Variants in IRAG2 observed in about 807,000 individuals in gnomAD.
The protein encoded by IRAG2 is lymphoid restricted membrane protein.
A neutral mutation model predicts 69.9 loss-of-function variants in IRAG2; 45 were observed. The observed-to-expected ratio is 0.64, with a 90% CI of 0.51 to 0.83. IRAG2 has a LOEUF of 0.83. IRAG2 is among the 40% of genes least tolerant of loss of function. The probability of loss-of-function intolerance (pLI) is 0.00; values close to 1 mark genes in which losing one functional copy is unlikely to be tolerated. For missense variants in IRAG2, 520 were observed against 587.0 expected (o/e 0.89, Z 1.18); for synonymous variants, 193 against 202.4 (o/e 0.95, Z 0.40).
upstream of IRAG2, among the ~76,000 whole-genome samples, chr12:25,050,937 G>A (rs1944854767): frequency 6.6e-6 from 1 of 152,164 alleles, no homozygotes; most frequent in South Asian, 2.1e-4. Flanking sequence ...TAAACTAATA[G>A]AAAGAGAGAG....
exon 5 of IRAG2, chr12:25,015,368 T>C: frequency 8.1e-7 from 1 of 1,232,012 alleles, no homozygotes; most frequent in Non-Finnish European, 1.0e-6. Context: ...AGCACAGATA[T>C]AACAGATTCT....
chr12:25,045,331 C>T (rs1944784402), intron 16 of IRAG2, among the ~76,000 whole-genome samples: 1 of 152,016 alleles, frequency 6.6e-6, no homozygotes, highest in African/African-American at 2.4e-5. Context: ...ACTTTTTACA[C>T]TTCAATGAAC....
chr12:25,017,742 A>C (rs1282040011), intron 6 of IRAG2, among the ~76,000 whole-genome samples: 2 of 151,712 alleles, frequency 1.3e-5, no homozygotes, highest in African/African-American at 4.9e-5. Flanking sequence ...CAAAAAAAAA[A>C]CTTGAGTATA....
At position 25,074,181 on chromosome 12, in the gene IRAG2, T is replaced by C. The variant is rs115235900; in HGVS notation, c.24+4750T>C. Among the ~76,000 whole-genome samples the C allele has an allele frequency of 2.3e-3, 353 of 152,334 alleles. 2 individuals are homozygous for C. Among genetic ancestry groups the C allele is most frequent in the African/African-American group, 8.0e-3 (331 of 41,580 alleles). ...GATTCAAATAAACACACACAAATACTTTACATATATACATATATTTCCACA... is the reference window on the plus strand; with the variant it reads ...GATTCAAATAAACACACACAAATACCTTACATATATACATATATTTCCACA... On this transcript the variant is annotated intron_variant, in intron 6 of 21. Coordinates refer to ENST00000556887, the MANE Select transcript of IRAG2 (RefSeq NM_001366544.2).
At chr12:25,079,156 A>C in intron 6 of IRAG2, 88 bp from the exon 7 acceptor site, 1 of 1,305,908 alleles carries the variant, frequency 7.7e-7, no homozygotes, top group Non-Finnish European at 1.1e-6. Context: ...TTCATTTAGA[A>C]TTGTATGAAA....
chr12:25,000,943 C>T (rs1390079008), upstream of IRAG2, among the ~76,000 whole-genome samples: 3 of 151,904 alleles, frequency 2.0e-5, no homozygotes, highest in Non-Finnish European at 2.9e-5. Flanking sequence ...CTACCAGGAT[C>T]GAAAATTAAA....
At position 25,079,240 on chromosome 12, in the gene IRAG2, T is replaced by C. The variant is rs1947031645; in HGVS notation, c.25-4T>C. The C allele has an allele frequency of 5.6e-6, 9 of 1,613,864 alleles. No individual in the cohort carries two copies. The highest frequency in any genetic ancestry group is 1.3e-5 in the African/African-American group (1 of 74,916). On this transcript the variant is annotated splice_polypyrimidine_tract_variant and splice_region_variant and intron_variant, in intron 6 of 21. Coordinates refer to ENST00000556887, the MANE Select transcript of IRAG2 (RefSeq NM_001366544.2). ...AACTTATGTCTCCTTTCTTTTTCCTTAAGGAGAATGGTGTTGAACGCGTGT... is the reference window on the plus strand; with the variant it reads ...AACTTATGTCTCCTTTCTTTTTCCTCAAGGAGAATGGTGTTGAACGCGTGT...
chr12:25,041,070 G>A (rs1359804663), intron 16 of IRAG2, among the ~76,000 whole-genome samples: 1 of 152,200 alleles, frequency 6.6e-6, no homozygotes, highest in East Asian at 1.9e-4. Context: ...TGGGGCGAGG[G>A]AGTGAGCTAT....
intron 14 of IRAG2, among the ~76,000 whole-genome samples, chr12:25,094,947 T>C (rs1948324067): frequency 6.6e-6 from 1 of 152,186 alleles, no homozygotes; most frequent in African/African-American, 2.4e-5. Flanking sequence ...TGAATGTGTA[T>C]ATTAGTTCTA....
intron 10 of IRAG2, among the ~76,000 whole-genome samples, chr12:25,085,262 A>G (rs754859933): frequency 6.6e-6 from 1 of 152,214 alleles, no homozygotes; most frequent in Non-Finnish European, 1.5e-5. Context: ...TGGAAGGATG[A>G]GTGCAAGGTT....
chr12:25,038,179 A>G, intron 16 of IRAG2: 1 of 398,362 alleles, frequency 2.5e-6, no homozygotes, highest in Admixed American at 4.4e-5. Context: ...CTTTATATAC[A>G]TGACATGTTT....
chr12:25,052,529 A>C, upstream of IRAG2: 1 of 397,114 alleles, frequency 2.5e-6, no homozygotes, highest in African/African-American at 2.1e-5. Flanking sequence ...GAGTTGTAAG[A>C]GAGGCGGTAT....
rs1320556619 is a variant in IRAG2 at position 25,088,106 on chromosome 12, A to G, written c.322A>G (p.Lys108Glu). The G allele has an allele frequency of 6.2e-7, 1 of 1,612,260 alleles. No homozygotes were observed. The highest frequency in any genetic ancestry group is 1.7e-5 in the Admixed American group (1 of 60,026). ...KDKTILNLEA[K>E]EEPETIEEHK... ...TAAAATCTTATGATTTTAGGAAGCC[A>G]AAGAGGAACCAGAAACAATAGAAGA... The change falls in exon 11 of 22, where the codon AAA becomes GAA. Residue 108 changes from lysine (K) to glutamate (E), a missense_variant. Lys to Glu is a moderately conservative substitution (Grantham distance 56, BLOSUM62 1). Coordinates refer to ENST00000556887, the MANE Select transcript of IRAG2 (RefSeq NM_001366544.2).
intron 1 of IRAG2, among the ~76,000 whole-genome samples, chr12:25,053,338 T>C (rs1023412339): frequency 5.9e-5 from 9 of 151,742 alleles, no homozygotes; most frequent in African/African-American, 2.2e-4. Flanking sequence ...GTTTTTTTCC[T>C]CTCATATGGT....
At chr12:25,065,685 CTTTA>C (rs566237708) in intron 4 of IRAG2, among the ~76,000 whole-genome samples, 35 of 152,260 alleles carry the variant, frequency 2.3e-4, no homozygotes, top group African/African-American at 7.5e-4. Context: ...TCCAGTAAAA[CTTTA>C]TTTATTTTTT....
upstream of IRAG2, among the ~76,000 whole-genome samples, chr12:25,047,279 G>A (rs368557928): frequency 5.3e-5 from 8 of 152,270 alleles, no homozygotes; most frequent in East Asian, 5.8e-4. Context: ...TCTTGGATAT[G>A]ACACCAAAAG....
chr12:25,092,138 G>A (rs971517992), intron 14 of IRAG2, among the ~76,000 whole-genome samples: 6 of 151,552 alleles, frequency 4.0e-5, no homozygotes, highest in South Asian at 2.1e-4. Context: ...GGTAGCGGGC[G>A]TCTGTAGTCC....
chr12:25,101,448 T>C (rs1948745083), intron 16 of IRAG2, 123 bp downstream of exon 16: 1 of 641,906 alleles, frequency 1.6e-6, no homozygotes, highest in Non-Finnish European at 2.4e-6. Context: ...AGAAAAATAA[T>C]TCATTCCTGT....
At chr12:25,063,626 T>G in intron 3 of IRAG2, 94 bp from the exon 4 acceptor site, 1 of 397,878 alleles carries the variant, frequency 2.5e-6, no homozygotes, top group Non-Finnish European at 4.4e-6. Flanking sequence ...TTGAGACTAG[T>G]GATATTCTTT....
Sources: allele counts gnomAD v4.1 joint callset (sites outside exome capture counted in the v4.1 genomes callset), GRCh38; gene constraint gnomAD v4.1.1; transcripts MANE v1.5; gene names NCBI Gene and HGNC (gene_info 2026-07-23, HGNC 2026-07-21).